Variants in TUSC3 observed in about 807,000 individuals in gnomAD.
TUSC3 encodes the protein tumor suppressor candidate 3.
A neutral mutation model predicts 44.8 loss-of-function variants in TUSC3; 45 were observed. The ratio of observed to expected loss-of-function variants is 1.00; its 90% CI spans 0.79 to 1.29. The LOEUF (loss-of-function observed/expected upper bound fraction) is 1.29. TUSC3 is among the 50% of genes most tolerant of loss of function. The probability of loss-of-function intolerance (pLI) is 0.00; values close to 1 mark genes in which losing one functional copy is unlikely to be tolerated. For missense variants in TUSC3, 519 were observed against 437.9 expected (o/e 1.19, Z -1.65); for synonymous variants, 212 against 152.9 (o/e 1.39, Z -2.85).
chr8:15,848,541 G>A, the TUSC3 span, among the ~76,000 whole-genome samples: 6 of 152,240 alleles, frequency 3.9e-5, no homozygotes, highest in East Asian at 1.2e-3. Context: ...CTTGAGCTGG[G>A]GAACTGTTCC....
intron 5 of TUSC3, among the ~76,000 whole-genome samples, chr8:15,666,869 G>C (rs1288960358): frequency 6.6e-6 from 1 of 151,268 alleles, no homozygotes; most frequent in Non-Finnish European, 1.5e-5. Context: ...TGTGTAAAGA[G>C]TTAGGAAAAC....
At chr8:15,456,430 G>A (rs1223090777) in intron 1 of TUSC3, among the ~76,000 whole-genome samples, 1 of 152,142 alleles carries the variant, frequency 6.6e-6, no homozygotes, top group African/African-American at 2.4e-5. Flanking sequence ...AATGTATTTG[G>A]AAACGTAAAG....
chr8:15,694,735 C>T lies in TUSC3; in HGVS notation c.798+20899C>T, dbSNP rs1192426573. 2.6e-5 allele frequency among the ~76,000 whole-genome samples: 4 copies of T among 152,254 alleles called. No individual in the cohort carries two copies. In the East Asian group the frequency reaches 5.8e-4, roughly 22 times the overall value. On this transcript the variant is annotated intron_variant, in intron 6 of 10. Coordinates refer to ENST00000503731, the MANE Select transcript of TUSC3 (RefSeq NM_006765.4). The stretch of plus-strand genomic sequence containing the variant: ...GCTCAGGACTCCCGAGCTGCATGCC[C>T]TAACTCTGGGGGGCTGGTTTCAGGC...
At chr8:15,843,621 TACACGCAC>T in the TUSC3 span, among the ~76,000 whole-genome samples, 6 of 146,718 alleles carry the variant, frequency 4.1e-5, no homozygotes, top group African/African-American at 1.6e-4. Flanking sequence ...TATATATATA[TACACGCAC>T]ATACACATAT....
rs116099081 is a variant in TUSC3, at chr8:15,653,094, A to C, written c.426+2280A>C. The stretch of plus-strand genomic sequence containing the variant: ...GAAACACTCATTTTTCACTTTTTCA[A>C]AATACTTTTATTTCTTTACTACTGT... On this transcript the variant is annotated intron_variant, in intron 3 of 10. Coordinates refer to ENST00000503731, the MANE Select transcript of TUSC3 (RefSeq NM_006765.4). Among the ~76,000 whole-genome samples, 236 of 152,240 alleles carry C rather than the reference A, an allele frequency of 1.6e-3. 2 individuals are homozygous for C. Among genetic ancestry groups the C allele is most frequent in the African/African-American group, 5.5e-3 (228 of 41,534 alleles).
chr8:15,588,809 G>C (rs1455667061), intron 1 of TUSC3, among the ~76,000 whole-genome samples: 1 of 152,090 alleles, frequency 6.6e-6, no homozygotes, highest in East Asian at 1.9e-4. Context: ...ATTGAAGAGG[G>C]TGTCCTTTCC....
rs965995560 is a variant in TUSC3 at position 15,440,545 on chromosome 8, C to G, written n.91+23240C>G. Among the ~76,000 whole-genome samples, 4 of 152,186 alleles carry G rather than the reference C, an allele frequency of 2.6e-5. No homozygotes were observed. The East Asian group carries it at 7.7e-4, about 29-fold the overall frequency. Reference sequence around the variant, plus strand: ...GAGTTGGGAGGGGCCAGAGGAGAATCAAACAGACTAGTTAGAAGTCTGTTA... The same window carrying G: ...GAGTTGGGAGGGGCCAGAGGAGAATGAAACAGACTAGTTAGAAGTCTGTTA... On this transcript the variant is annotated intron_variant and non_coding_transcript_variant, in intron 1 of 5. Transcript: ENST00000503191.
At chr8:15,638,320 A>T (rs1315694872) in intron 2 of TUSC3, among the ~76,000 whole-genome samples, 3 of 152,002 alleles carry the variant, frequency 2.0e-5, no homozygotes, top group Non-Finnish European at 4.4e-5. Flanking sequence ...TTTTTATCCC[A>T]GTTACTGTAC....
intron 1 of TUSC3, among the ~76,000 whole-genome samples, chr8:15,570,682 G>T (rs911192938): frequency 6.6e-6 from 1 of 151,882 alleles, no homozygotes; most frequent in Non-Finnish European, 1.5e-5. Flanking sequence ...TGATTTTATT[G>T]TATAGGTGAA....
chr8:15,796,192 T>A, the TUSC3 span, among the ~76,000 whole-genome samples: 1 of 152,148 alleles, frequency 6.6e-6, no homozygotes, highest in African/African-American at 2.4e-5. Context: ...AATGATGGAT[T>A]CAGGCAGCCA....
chr8:15,699,981 A>G (rs1809327345), intron 6 of TUSC3, among the ~76,000 whole-genome samples: 1 of 152,170 alleles, frequency 6.6e-6, no homozygotes, highest in Non-Finnish European at 1.5e-5. Flanking sequence ...CAATATTGCA[A>G]CATTAGAATC....
upstream of TUSC3, among the ~76,000 whole-genome samples, chr8:15,535,741 C>G (rs1431499760): frequency 6.6e-6 from 1 of 152,030 alleles, no homozygotes; most frequent in African/African-American, 2.4e-5. Flanking sequence ...GTGATAGTAG[C>G]AGTACTATAA....
intron 6 of TUSC3, among the ~76,000 whole-genome samples, chr8:15,713,609 C>T (rs982416292): frequency 2.6e-5 from 4 of 152,056 alleles, no homozygotes; most frequent in Non-Finnish European, 5.9e-5. Context: ...GTCAGCAGGG[C>T]GAGTTTGAGG....
At chr8:15,426,015 C>G (rs925483701) in intron 1 of TUSC3, among the ~76,000 whole-genome samples, 15 of 151,876 alleles carry the variant, frequency 9.9e-5, no homozygotes, top group African/African-American at 3.4e-4. Context: ...GGCTCTGCCT[C>G]TAAAAAATAA....
At chr8:15,538,552 G>A (rs1801565544), upstream of TUSC3, among the ~76,000 whole-genome samples, 1 of 152,264 alleles carries the variant, frequency 6.6e-6, no homozygotes, top group Non-Finnish European at 1.5e-5. Flanking sequence ...TCTGAAAATC[G>A]TTAACAGTGG....
chr8:15,555,353 G>T (rs1039609543), intron 1 of TUSC3, among the ~76,000 whole-genome samples: 2 of 135,182 alleles, frequency 1.5e-5, no homozygotes, highest in Non-Finnish European at 3.1e-5. Flanking sequence ...GGAGTGCAGT[G>T]CTGGGGGATC....
chr8:15,455,671 A>G (rs937965527), intron 1 of TUSC3, among the ~76,000 whole-genome samples: 1 of 152,178 alleles, frequency 6.6e-6, no homozygotes, highest in African/African-American at 2.4e-5. Context: ...AAATTCTATC[A>G]GTGAGAAAAT....
chr8:15,476,567 A>T (rs981087990), intron 1 of TUSC3, among the ~76,000 whole-genome samples: 2 of 152,246 alleles, frequency 1.3e-5, no homozygotes, highest in African/African-American at 2.4e-5. Context: ...GAATATTTCA[A>T]TTCTGTTACC....
chr8:15,826,412 T>C, the TUSC3 span, among the ~76,000 whole-genome samples: 6 of 152,196 alleles, frequency 3.9e-5, no homozygotes, highest in Admixed American at 1.3e-4. Context: ...AGTATGTTCT[T>C]TGCGGAACAC....
Sources: gnomAD v4.1 joint callset for allele counts (sites outside exome capture counted in the v4.1 genomes callset) on GRCh38, gnomAD v4.1.1 for gene constraint, MANE v1.5 for transcripts, NCBI Gene and HGNC (gene_info 2026-07-23, HGNC 2026-07-21) for gene names.